Variants in NOP53 observed in about 807,000 individuals in gnomAD.
NOP53 encodes the protein ribosome biogenesis protein NOP53.
In NOP53, 40 loss-of-function variants were observed where a neutral mutation model predicts 61.0. The ratio of observed to expected loss-of-function variants is 0.66; its 90% CI spans 0.51 to 0.85. The LOEUF (loss-of-function observed/expected upper bound fraction) is 0.85, where lower values mean the gene tolerates loss of function less well. Ranked by LOEUF, NOP53 falls within the 40% of genes least tolerant of loss-of-function variation. The probability of loss-of-function intolerance (pLI) is 0.00; values close to 1 mark genes in which losing one functional copy is unlikely to be tolerated. For missense variants in NOP53, 689 were observed against 652.9 expected, an observed-to-expected ratio of 1.06 and a Z score of -0.60; for synonymous variants, 308 against 289.5, an observed-to-expected ratio of 1.06 and a Z score of -0.65.
At chr19:47,750,063 C>T in intron 2 of NOP53, 115 bp from the exon 3 acceptor site, 3 of 656,912 alleles carry the variant, frequency 4.6e-6, no homozygotes, top group Non-Finnish European at 8.2e-6. Context: ...ACCTCCAAGT[C>T]TCCTGGGGTG....
At position 47,745,595 on chromosome 19, in the gene NOP53, C is replaced by T; in HGVS notation, c.36C>T (p.Arg12=). Residue 12 remains arginine, a synonymous_variant, in exon 1 of 13, where the codon CGC becomes CGT. Transcript: ENST00000246802. The stretch of plus-strand genomic sequence containing the variant: ...GAGGCAGTGGCGTTGGTGGGAAGCG[C>T]AGCTCGAAAAGCGATGCCGATTCTG... ...AAGGSGVGGK[R]SSKSDADSGF... is the part of the protein sequence containing the mutation. 1.2e-6 allele frequency: 2 copies of T among 1,614,026 alleles called. No homozygotes were observed. The highest frequency in any genetic ancestry group is 1.7e-6 in the Non-Finnish European group (2 of 1,179,996).
intron 4 of NOP53, 63 bp downstream of exon 4, chr19:47,751,170 T>G: frequency 1.4e-6 from 2 of 1,413,714 alleles, no homozygotes; most frequent in Middle Eastern, 1.9e-4. Flanking sequence ...TTGTGTGTGT[T>G]GTGCACTGCA....
chr19:47,746,162 G>A (rs1285610044), intron 1 of NOP53: 2 of 181,986 alleles, frequency 1.1e-5, no homozygotes, highest in Non-Finnish European at 2.3e-5. Flanking sequence ...ATATATATAT[G>A]TGTATATGTG....
At chr19:47,756,462 C>T (rs1372873577) in intron 10 of NOP53, 66 bp from the exon 11 acceptor site, 19 of 1,358,232 alleles carry the variant, frequency 1.4e-5, no homozygotes, top group South Asian at 1.2e-4. Context: ...GCCAGGACCC[C>T]GAGGAGAGGT....
chr19:47,746,057 A>G, intron 1 of NOP53: 1 of 487,522 alleles, frequency 2.1e-6, no homozygotes, highest in Non-Finnish European at 3.6e-6. Flanking sequence ...TTTAGCATAA[A>G]TACGTTCCAT....
intron 1 of NOP53, 56 bp from the exon 2 acceptor site, chr19:47,746,911 T>A: frequency 6.9e-7 from 1 of 1,459,682 alleles, no homozygotes; most frequent in Non-Finnish European, 9.6e-7. Flanking sequence ...CCTGCCAGGT[T>A]AAATCTCTTT....
intron 2 of NOP53, 140 bp downstream of exon 2, chr19:47,747,171 G>GTCA: frequency 1.6e-6 from 1 of 641,762 alleles, no homozygotes; most frequent in Non-Finnish European, 2.7e-6. Flanking sequence ...TAAACAAGGG[G>GTCA]ACCTCAAATG....
rs1457294624 is a variant in NOP53 at position 47,751,028 on chromosome 19, C to T, written c.519C>T (p.Leu173=). 2 of 1,604,272 alleles carry T rather than the reference C, an allele frequency of 1.2e-6. No individual in the cohort carries two copies. Among genetic ancestry groups the T allele is most frequent in the Admixed American group, 3.4e-5 (2 of 58,138 alleles). Residue 173 remains leucine, a synonymous_variant, in exon 4 of 13, where the codon CTC becomes CTT. Coordinates refer to ENST00000246802, the MANE Select transcript of NOP53 (RefSeq NM_015710.5). Reference sequence around the variant, plus strand: ...TGCGCAGGGCCCAGGCCCGGCTCCTCAACCCTTCTGCAACAAGGGCCAAGC... The same window carrying T: ...TGCGCAGGGCCCAGGCCCGGCTCCTTAACCCTTCTGCAACAAGGGCCAAGC... ...REVRRAQARL[L]NPSATRAKPG...
chr19:47,749,781 A>C (rs895402467), intron 2 of NOP53, among the ~76,000 whole-genome samples: 2 of 151,378 alleles, frequency 1.3e-5, no homozygotes, highest in Non-Finnish European at 2.9e-5. Flanking sequence ...AGATCTCACT[A>C]TGTTGCTCAG....
At chr19:47,755,615 A>C (rs1318773826) in intron 9 of NOP53, 92 bp downstream of exon 9, 31 of 1,313,718 alleles carry the variant, frequency 2.4e-5, no homozygotes, top group East Asian at 7.7e-5. Flanking sequence ...GGAACTGCCC[A>C]CCCCCCCCAT....
chr19:47,751,273 G>A (rs1568598986), intron 4 of NOP53, 166 bp downstream of exon 4: 7 of 701,136 alleles, frequency 1.0e-5, no homozygotes, highest in Middle Eastern at 3.8e-4. Flanking sequence ...TTTCCCACTC[G>A]TGCTTTTCCT....
chr19:47,749,565 G>T (rs1318886002), intron 2 of NOP53, among the ~76,000 whole-genome samples: 1 of 152,140 alleles, frequency 6.6e-6, no homozygotes, highest in Admixed American at 6.6e-5. Flanking sequence ...GTGTTTTGCT[G>T]TAGAGTTACT....
chr19:47,756,204 C>G, intron 10 of NOP53: 2 of 521,682 alleles, frequency 3.8e-6, no homozygotes, highest in Non-Finnish European at 6.9e-6. Context: ...CCGACCCGGC[C>G]GTGGGGCTCC....
In NOP53 at chr19:47,754,917, G is replaced by C. The variant is rs1274693912; in HGVS notation, c.1053+26G>C. 2.0e-6 allele frequency: 3 copies of C among 1,478,362 alleles called. No homozygotes were observed. Among genetic ancestry groups the C allele is most frequent in the Admixed American group, 5.6e-5 (2 of 35,838 alleles). The allele number at this position is 1,478,362 out of a possible 1,614,324, so 91.6% of individuals were successfully genotyped here. A position where few individuals can be genotyped will look rare whatever the true frequency, so the allele number is the denominator to read the frequency against. ...GTGAGCGCCTGGGCCAGCGGGGCCT[G>C]CCTCTGATGCCTCGCCCCCTTCCTT... is the stretch of plus-strand genomic sequence containing the variant. On this transcript the variant is annotated intron_variant, in intron 8 of 12. Transcript: ENST00000246802. This position sits in a 1 kb window ranked among gnomAD's most constrained non-coding sequence, Gnocchi z 4.2.
chr19:47,755,818 T>C lies in NOP53; in HGVS notation c.1292T>C (p.Leu431Pro). ...SSELTDSLRT[L>P]KPEGNILRDR... ...GAGCTGACAGACTCGCTCAGGACCC[T>C]GAAGGTGCTCACTGTGTCCTGCCGT... is the stretch of plus-strand genomic sequence containing the variant. Residue 431 changes from leucine (L) to proline (P), a missense_variant, in exon 10 of 13, where the codon CTG becomes CCG. By Grantham distance (98) the Leu-to-Pro change is moderately conservative. Coordinates refer to ENST00000246802, the MANE Select transcript of NOP53 (RefSeq NM_015710.5). 1 of 1,607,544 alleles carries C rather than the reference T, an allele frequency of 6.2e-7. No homozygotes were observed. The highest frequency in any genetic ancestry group is 8.5e-7 in the Non-Finnish European group (1 of 1,176,812).
intron 10 of NOP53, 146 bp from the exon 11 acceptor site, chr19:47,756,382 G>C (rs1316689555): frequency 1.6e-6 from 1 of 625,394 alleles, no homozygotes; most frequent in Non-Finnish European, 2.8e-6. Flanking sequence ...AGCCCCAGCA[G>C]CTGAGGGCCA....
intron 12 of NOP53, 60 bp from the exon 13 acceptor site, chr19:47,756,939 G>C: frequency 6.2e-7 from 1 of 1,609,084 alleles, no homozygotes; most frequent in Non-Finnish European, 8.5e-7. Flanking sequence ...GGGGTGTCAG[G>C]TCGGCAGGGG....
chr19:47,750,935 C>A lies in NOP53; in HGVS notation c.426C>A (p.Ala142=). The A allele has an allele frequency of 6.3e-7, 1 of 1,596,450 alleles. No individual in the cohort carries two copies. ...KDVLAHQVPN[A]KKLRRKEQLW... is the part of the protein sequence containing the mutation. ...TCCTCGCCCACCAGGTCCCCAACGC[C>A]AAGAAGCTCAGGCGGAAGGAGCAGC... The change falls in exon 4 of 13, where the codon GCC becomes GCA. Residue 142 remains alanine, a synonymous_variant. Transcript: ENST00000246802.
chr19:47,746,121 T>C (rs1319189904), intron 1 of NOP53: 5 of 326,116 alleles, frequency 1.5e-5, no homozygotes, highest in African/African-American at 8.6e-5. Flanking sequence ...TATGTATATA[T>C]GTGTGTGTAT....
Sources: gnomAD v4.1 joint callset for allele counts (sites outside exome capture counted in the v4.1 genomes callset) on GRCh38, gnomAD v4.1.1 for gene constraint, Gnocchi (gnomAD v3.1) non-coding constraint, MANE v1.5 for transcripts, NCBI Gene and HGNC (gene_info 2026-07-23, HGNC 2026-07-21) for gene names.